Variants in LMOD1 observed in about 807,000 individuals in gnomAD.
LMOD1 encodes the protein leiomodin-1.
LMOD1 carries 8 observed loss-of-function variants against 36.5 expected under a neutral mutation model. That is an observed-to-expected ratio of 0.22 (90% confidence interval 0.13 to 0.40). The LOEUF is 0.40. LMOD1 is among the 10% of genes least tolerant of loss of function. LMOD1 has a pLI of 1.00. For missense variants in LMOD1, 630 were observed against 751.1 expected (o/e 0.84, Z 1.88); for synonymous variants, 284 against 288.7 (o/e 0.98, Z 0.17).
At chr1:201,901,558 A>G (rs374148689) in intron 1 of LMOD1, among the ~76,000 whole-genome samples, 1,066 of 33,652 alleles carry the variant, frequency 0.032, 67 homozygotes, top group Non-Finnish European at 0.039. Context: ...ATATACATAT[A>G]TATATGTATA....
Position 201,899,618 on chromosome 1 carries a change from A to C in LMOD1, c.1395T>G (p.Asn465Lys). The change falls in exon 2 of 3, where the codon AAT becomes AAG. Residue 465 changes from asparagine (N) to lysine (K), a missense_variant. By Grantham distance (94) the Asn-to-Lys change is moderately conservative (BLOSUM62 0). This residue lies in a region of LMOD1 where 144 missense variants were observed against 169.8 expected (regional missense o/e 0.85). Coordinates refer to ENST00000367288, the MANE Select transcript of LMOD1 (RefSeq NM_012134.3). This position sits in a 1 kb window ranked among gnomAD's most constrained non-coding sequence, Gnocchi z 6.3. ...ELAGPRMTVT[N>K]LLSRNMDKQR... is the part of the protein sequence containing the mutation. ...GCTTGTCCATGTTGCGGCTGAGCAG[A>C]TTGGTGACAGTCATTCGGGGCCCGG... 1 of 1,612,940 alleles carries C rather than the reference A, an allele frequency of 6.2e-7. No homozygotes were observed. Among genetic ancestry groups the C allele is most frequent in the Non-Finnish European group, 8.5e-7 (1 of 1,179,516 alleles).
rs1558234856 is a variant in LMOD1, at chr1:201,901,632, ATATATATATATATATACATATATATGTG to A, written c.262-909_262-882del. 4.3e-3 allele frequency among the ~76,000 whole-genome samples: 59 copies of A among 13,718 alleles called. 4 individuals carry two copies. The highest frequency in any genetic ancestry group is 7.0e-3 in the East Asian group (5 of 710). The allele number at this position is 13,718 out of a possible 152,430, so 9.0% of individuals were successfully genotyped here. A position where few individuals can be genotyped will look rare whatever the true frequency, so the allele number is the denominator to read the frequency against. On this transcript the variant is annotated intron_variant, in intron 1 of 2. Transcript: ENST00000367288. Reference sequence around the variant, plus strand: ...TATACACATATATATGTGTGTGTGTATATATATATATATATACATATATATGTGTATATATATATATACACATATATAT... The same window carrying A: ...TATACACATATATATGTGTGTGTGTATATATATATATATACACATATATAT...
In LMOD1 at chr1:201,946,191, C is replaced by T. The variant is rs778903402; in HGVS notation, c.150G>A (p.Arg50=). 1.9e-6 allele frequency: 3 copies of T among 1,613,914 alleles called. No individual in the cohort carries two copies. In the Admixed American group the frequency reaches 5.0e-5, roughly 27 times the overall value. ...DPDGSVPVGL[R]QRNQTEKQST... is the part of the protein sequence containing the mutation. ...ACTGTTTCTCCGTCTGGTTTCTCTG[C>T]CGCAGCCCCACGGGAACACTCCCGT... The change falls in exon 1 of 3, where the codon CGG becomes CGA. Residue 50 remains arginine (R), a synonymous_variant. Transcript: ENST00000367288.
chr1:201,897,012 G>A lies in LMOD1; in HGVS notation c.*1360C>T, dbSNP rs1264242274. ...TGGCAGTTCCACAGTGCCAAGGGGT[G>A]GCAGCACCTTCAAGAGAATGAAATT... On this transcript the variant is annotated 3_prime_UTR_variant, in exon 3 of 3. Coordinates refer to ENST00000367288, the MANE Select transcript of LMOD1 (RefSeq NM_012134.3). The A allele has an allele frequency of 6.6e-6, 2 of 304,596 alleles. No individual in the cohort carries two copies. Among genetic ancestry groups the A allele is most frequent in the South Asian group, 2.8e-5 (1 of 35,798 alleles). 18.9% of individuals were successfully genotyped at this position (304,596 alleles called of 1,614,324 possible).
Position 201,896,704 on chromosome 1 carries a change from G to A in LMOD1, c.*1668C>T, listed in dbSNP as rs757316354. ...TCCAGCTCATACCCTTTAGGTCCAG[G>A]AGCCAGTGTGTGTCTGTCTCCTCTC... is the stretch of plus-strand genomic sequence containing the variant. On this transcript the variant is annotated 3_prime_UTR_variant, in exon 3 of 3. Coordinates refer to ENST00000367288, the MANE Select transcript of LMOD1 (RefSeq NM_012134.3). 1.4e-4 allele frequency: 62 copies of A among 456,628 alleles called. No individual in the cohort carries two copies. The highest frequency in any genetic ancestry group is 9.2e-4 in the African/African-American group (46 of 50,188). The allele number at this position is 456,628 out of a possible 1,614,324, so 28.3% of individuals were successfully genotyped here.
At chr1:201,922,973 C>T (rs1239828358) in intron 1 of LMOD1, among the ~76,000 whole-genome samples, 1 of 151,998 alleles carries the variant, frequency 6.6e-6, no homozygotes, top group Non-Finnish European at 1.5e-5. Flanking sequence ...TACAGGTGCG[C>T]ACCACCATGC....
chr1:201,922,295 T>G (rs906564364), intron 1 of LMOD1, among the ~76,000 whole-genome samples: 3 of 152,166 alleles, frequency 2.0e-5, no homozygotes, highest in Non-Finnish European at 4.4e-5. Flanking sequence ...ACACAAATGT[T>G]CACAGCAGCA....
At chr1:201,932,532 G>A (rs1055327460) in intron 1 of LMOD1, among the ~76,000 whole-genome samples, 2 of 151,826 alleles carry the variant, frequency 1.3e-5, no homozygotes, top group Admixed American at 6.6e-5. Context: ...CTGGTGGATC[G>A]CTTGAGCCTA....
chr1:201,898,598 C>T (rs911472675), intron 2 of LMOD1, among the ~76,000 whole-genome samples, 200 bp from the exon 3 acceptor site: 2 of 152,196 alleles, frequency 1.3e-5, no homozygotes, highest in Admixed American at 1.3e-4. Context: ...TTGAGATTTT[C>T]CTTTATCTCA....
intron 1 of LMOD1, among the ~76,000 whole-genome samples, chr1:201,909,215 G>A (rs900212240): frequency 6.6e-6 from 1 of 150,994 alleles, no homozygotes; most frequent in African/African-American, 2.4e-5. Flanking sequence ...TGCACTCCAG[G>A]AGCCAACCCA....
intron 1 of LMOD1, among the ~76,000 whole-genome samples, chr1:201,910,291 T>G (rs1681473856): frequency 8.2e-6 from 1 of 122,290 alleles, no homozygotes; most frequent in South Asian, 2.5e-4. Flanking sequence ...TTTTTTTTTT[T>G]GAGACAGGGT....
At chr1:201,937,900 ATGGAGTCCTCCTCCCTCCT>A (rs1397199516) in intron 1 of LMOD1, among the ~76,000 whole-genome samples, 4 of 152,308 alleles carry the variant, frequency 2.6e-5, no homozygotes, top group African/African-American at 9.6e-5. Context: ...TAATGATTTA[ATGGAGTCCTCCTCCCTCCT>A]TGTAAACATA....
chr1:201,924,664 AAAAAGAAAGAAAG>A (rs1558240424), intron 1 of LMOD1, among the ~76,000 whole-genome samples: 4 of 115,384 alleles, frequency 3.5e-5, no homozygotes, highest in Non-Finnish European at 4.9e-5. Context: ...AAGAAAGAAA[AAAAAGAAAGAAAG>A]AAAGAAAGAA....
intron 1 of LMOD1, among the ~76,000 whole-genome samples, chr1:201,944,551 C>A (rs543734787): frequency 4.6e-5 from 7 of 152,088 alleles, no homozygotes; most frequent in Non-Finnish European, 1.0e-4. Flanking sequence ...GGTACCGGGC[C>A]CTCACAGTAA....
At chr1:201,930,581 AT>A (rs1681899638) in intron 1 of LMOD1, among the ~76,000 whole-genome samples, 1 of 152,098 alleles carries the variant, frequency 6.6e-6, no homozygotes, top group South Asian at 2.1e-4. Flanking sequence ...TGATTAATTT[AT>A]TTGCAGACCA....
intron 1 of LMOD1, among the ~76,000 whole-genome samples, chr1:201,910,155 C>A (rs1313021551): frequency 6.6e-6 from 1 of 152,228 alleles, no homozygotes. Flanking sequence ...AGGCTCCAGT[C>A]TCAGCAAGAG....
chr1:201,932,979 C>T (rs1482744100), intron 1 of LMOD1, among the ~76,000 whole-genome samples: 1 of 152,108 alleles, frequency 6.6e-6, no homozygotes, highest in Non-Finnish European at 1.5e-5. Flanking sequence ...CAGAAGTGCA[C>T]TAAAAATGTC....
At chr1:201,904,870 C>G (rs12120991) in intron 1 of LMOD1, among the ~76,000 whole-genome samples, 31,233 of 152,142 alleles carry the variant, frequency 0.21, 3,367 homozygotes, top group South Asian at 0.25. Flanking sequence ...GAGCTGAGCT[C>G]CTCGGAGCCG....
intron 1 of LMOD1, among the ~76,000 whole-genome samples, chr1:201,910,683 G>C (rs1253050035): frequency 6.6e-6 from 1 of 150,734 alleles, no homozygotes; most frequent in East Asian, 1.9e-4. Context: ...GTGTGCTCAG[G>C]GGGAGTTACA....
Sources: allele counts gnomAD v4.1 joint callset (sites outside exome capture counted in the v4.1 genomes callset), GRCh38; gene constraint gnomAD v4.1.1; regional missense constraint gnomAD v4.1.1; non-coding constraint Gnocchi (gnomAD v3.1); transcripts MANE v1.5; gene names NCBI Gene and HGNC (gene_info 2026-07-23, HGNC 2026-07-21).